The following PPP2R5C variants were observed in gnomAD, a reference collection of about 807,000 sequenced individuals.
The protein encoded by PPP2R5C is protein phosphatase 2 regulatory subunit B'gamma.
Under a neutral mutation model 68.9 loss-of-function variants are expected in PPP2R5C, and 7 were observed. The observed-to-expected ratio is 0.10, with a 90% CI of 0.06 to 0.19. The LOEUF is 0.19. Among genes scored for constraint, PPP2R5C ranks in the 10% least tolerant of loss-of-function variants. PPP2R5C has a pLI of 1.00. For missense variants in PPP2R5C, 348 were observed against 641.3 expected (o/e 0.54, Z 4.94); for synonymous variants, 210 against 222.2 (o/e 0.95, Z 0.49).
At chr14:101,772,349 C>T (rs72715637) in intron 2 of PPP2R5C, among the ~76,000 whole-genome samples, 3 of 152,102 alleles carry the variant, frequency 2.0e-5, no homozygotes, top group South Asian at 2.1e-4. Context: ...GATACCCACA[C>T]GAGAAAGACT....
intron 13 of PPP2R5C, among the ~76,000 whole-genome samples, chr14:101,919,993 C>CAAAAACAAAAAAAA (rs367834588): frequency 8.5e-6 from 1 of 117,478 alleles, no homozygotes; most frequent in African/African-American, 3.6e-5. Flanking sequence ...AAAAAAAAAA[C>CAAAAACAAAAAAAA]CAATTCTTAC....
At chr14:101,904,267 A>G (rs547683918) in intron 9 of PPP2R5C, among the ~76,000 whole-genome samples, 1 of 151,838 alleles carries the variant, frequency 6.6e-6, no homozygotes, top group Non-Finnish European at 1.5e-5. Context: ...CTCCTGTCTC[A>G]GCCTCCCAAG....
At chr14:101,799,999 C>T (rs1277780200) in intron 3 of PPP2R5C, among the ~76,000 whole-genome samples, 1 of 152,230 alleles carries the variant, frequency 6.6e-6, no homozygotes, top group Non-Finnish European at 1.5e-5. Context: ...TGGCTCACGC[C>T]TATAATCCCA....
chr14:101,767,325 A>G (rs2036911493), intron 2 of PPP2R5C, among the ~76,000 whole-genome samples: 1 of 152,264 alleles, frequency 6.6e-6, no homozygotes. Context: ...AAATTTTAAA[A>G]ATATTTAATA....
chr14:101,816,964 ATT>A (rs1187346054), intron 1 of PPP2R5C, among the ~76,000 whole-genome samples: 3 of 137,266 alleles, frequency 2.2e-5, no homozygotes, highest in African/African-American at 5.4e-5. Flanking sequence ...ATGTATATAT[ATT>A]TTTTTTTTTT....
chr14:101,787,539 G>A (rs571165752), intron 3 of PPP2R5C, among the ~76,000 whole-genome samples: 10 of 152,064 alleles, frequency 6.6e-5, no homozygotes, highest in Admixed American at 6.5e-5. Flanking sequence ...CAAGGCGGGC[G>A]GATCACGAGG....
At chr14:101,904,084 C>G (rs2045882285) in intron 9 of PPP2R5C, among the ~76,000 whole-genome samples, 1 of 152,164 alleles carries the variant, frequency 6.6e-6, no homozygotes, top group Non-Finnish European at 1.5e-5. Flanking sequence ...TTTTCTAAAT[C>G]AGGCTTAAAA....
intron 3 of PPP2R5C, among the ~76,000 whole-genome samples, chr14:101,788,633 C>G (rs1372599986): frequency 6.6e-6 from 1 of 152,200 alleles, no homozygotes; most frequent in Non-Finnish European, 1.5e-5. Context: ...ATGGTAAATT[C>G]TCCATAGTAA....
intron 1 of PPP2R5C, among the ~76,000 whole-genome samples, chr14:101,845,402 C>T (rs2041763646): frequency 6.6e-6 from 1 of 152,194 alleles, no homozygotes; most frequent in Non-Finnish European, 1.5e-5. Context: ...AAAGCAGCCT[C>T]TCCTGGCCTT....
At chr14:101,795,958 G>A (rs188460949) in intron 3 of PPP2R5C, among the ~76,000 whole-genome samples, 42 of 152,190 alleles carry the variant, frequency 2.8e-4, no homozygotes, top group Admixed American at 2.6e-3. Flanking sequence ...AAGTAGCTGG[G>A]ACCACAGGTG....
chr14:101,927,342 A>T (rs1291503570), exon 14 of PPP2R5C: 1 of 152,622 alleles, frequency 6.6e-6, no homozygotes, highest in Non-Finnish European at 1.5e-5. Flanking sequence ...AGAGAAACTA[A>T]TTTTCTTTGG....
chr14:101,803,585 G>C (rs544552927), intron 3 of PPP2R5C, among the ~76,000 whole-genome samples: 9 of 152,146 alleles, frequency 5.9e-5, no homozygotes, highest in African/African-American at 1.9e-4. Context: ...TCAGCCGGGC[G>C]TGGTGGCGGG....
rs888458450 is a variant in PPP2R5C, at chr14:101,832,817, C to T, written c.94+22781C>T. The stretch of plus-strand genomic sequence containing the variant: ...TGCGTGTCATGCCCCTTCTTCCCCG[C>T]GCTTTACCGTGTAATTTCTCTGCAT... On this transcript the variant is annotated intron_variant, in intron 1 of 13. Coordinates refer to ENST00000334743, the Ensembl canonical transcript of PPP2R5C. Among the ~76,000 whole-genome samples the T allele has an allele frequency of 7.9e-5, 12 of 152,292 alleles. No homozygotes were observed. In the South Asian group the frequency reaches 2.5e-3, roughly 32 times the overall value.
chr14:101,774,313 T>C (rs1052260864), intron 2 of PPP2R5C, among the ~76,000 whole-genome samples: 5 of 152,202 alleles, frequency 3.3e-5, no homozygotes, highest in African/African-American at 1.2e-4. Context: ...AGCTCCTACA[T>C]TAGCAGCCTT....
intron 6 of PPP2R5C, among the ~76,000 whole-genome samples, chr14:101,890,568 C>G (rs2044804036): frequency 6.6e-6 from 1 of 152,090 alleles, no homozygotes; most frequent in Non-Finnish European, 1.5e-5. Flanking sequence ...CCAGTTATTT[C>G]CTCAAGAGCA....
chr14:101,904,568 C>T (rs548411467), intron 9 of PPP2R5C, among the ~76,000 whole-genome samples: 1 of 152,334 alleles, frequency 6.6e-6, no homozygotes, highest in African/African-American at 2.4e-5. Flanking sequence ...ATGCCCTCCC[C>T]TCCCCCATTA....
Position 101,835,100 on chromosome 14 carries a change from C to G in PPP2R5C, c.95-21586C>G, listed in dbSNP as rs957065003. Reference sequence around the variant, plus strand: ...GCCTGTGTCTTCAGGGACTGGGAGTCTCTGATTCCAGCACAGCCGACTGTC... The same window carrying G: ...GCCTGTGTCTTCAGGGACTGGGAGTGTCTGATTCCAGCACAGCCGACTGTC... On this transcript the variant is annotated intron_variant, in intron 1 of 13. Transcript: ENST00000334743. The surrounding 1 kb of genome is among the most constrained non-coding windows in gnomAD (Gnocchi z 5.0). 8.5e-5 allele frequency among the ~76,000 whole-genome samples: 13 copies of G among 152,176 alleles called. 1 individual carries two copies. Among genetic ancestry groups the G allele is most frequent in the Non-Finnish European group, 1.5e-5 (1 of 68,036 alleles).
intron 1 of PPP2R5C, among the ~76,000 whole-genome samples, chr14:101,838,010 G>A (rs2041230012): frequency 6.6e-6 from 1 of 152,162 alleles, no homozygotes; most frequent in Admixed American, 6.5e-5. Flanking sequence ...GAAAAAATGA[G>A]ATAAGGTAAT....
chr14:101,876,636 G>T (rs1469472064), intron 2 of PPP2R5C, among the ~76,000 whole-genome samples: 1 of 152,198 alleles, frequency 6.6e-6, no homozygotes, highest in Non-Finnish European at 1.5e-5. Flanking sequence ...GAGAACATCT[G>T]CAGGACTGAT....
Sources: gnomAD v4.1 joint callset for allele counts (sites outside exome capture counted in the v4.1 genomes callset) on GRCh38, gnomAD v4.1.1 for gene constraint, Gnocchi (gnomAD v3.1) non-coding constraint, MANE v1.5 for transcripts, NCBI Gene and HGNC (gene_info 2026-07-23, HGNC 2026-07-21) for gene names.